Variants in P3H2 observed in about 807,000 individuals in gnomAD.
P3H2 encodes the protein prolyl 3-hydroxylase 2, also known as leprecan-like 1.
Under a neutral mutation model 87.0 loss-of-function variants are expected in P3H2, and 80 were observed. The ratio of observed to expected loss-of-function variants is 0.92; its 90% CI spans 0.77 to 1.11. P3H2 has a LOEUF of 1.11. Among genes scored for constraint, P3H2 ranks in the 50% least tolerant of loss-of-function variants. The pLI, the probability that P3H2 is intolerant of heterozygous loss-of-function variation, is 0.00. For synonymous variants in P3H2, 367 were observed against 359.3 expected (o/e 1.02, Z -0.24); for missense variants, 1,001 against 923.9 (o/e 1.08, Z -1.08).
Position 190,120,570 on chromosome 3 carries a change from G to C in P3H2, c.162C>G (p.Ala54=). The part of the protein sequence containing the change: ...FDLLYASGAA[A]YYSGDYERAV... ...CTCGCTCGTAGTCTCCGCTGTAGTAGGCGGCCGCGCCGCTGGCGTAGAGCA... is the reference window on the plus strand; with the variant it reads ...CTCGCTCGTAGTCTCCGCTGTAGTACGCGGCCGCGCCGCTGGCGTAGAGCA... The change falls in exon 1 of 15, where the codon GCC becomes GCG. Residue 54 remains alanine, a synonymous_variant. Transcript: ENST00000319332. 6.5e-7 allele frequency: 1 copy of C among 1,540,222 alleles called. No homozygotes were observed. The highest frequency in any genetic ancestry group is 1.2e-5 in the South Asian group (1 of 83,768).
intron 1 of P3H2, among the ~76,000 whole-genome samples, chr3:190,068,823 C>A (rs1726600761): frequency 6.6e-6 from 1 of 151,076 alleles, no homozygotes; most frequent in Admixed American, 6.6e-5. Flanking sequence ...TTTTCAGCTT[C>A]TCTACATATA....
rs77921090 is a variant in P3H2, at chr3:190,103,709, C to T, written c.480+16543G>A. Among the ~76,000 whole-genome samples the T allele has an allele frequency of 6.0e-3, 915 of 152,230 alleles. 5 individuals carry two copies. Among genetic ancestry groups the T allele is most frequent in the African/African-American group, 0.021 (886 of 41,540 alleles). On this transcript the variant is annotated intron_variant, in intron 1 of 14. Transcript: ENST00000319332. ...CAACAACTTGACATGAACTATAGCA[C>T]AATCCGGTTCACCGACTTATGGTTA...
chr3:190,014,067 G>A (rs1272875394), intron 1 of P3H2, among the ~76,000 whole-genome samples: 1 of 152,192 alleles, frequency 6.6e-6, no homozygotes, highest in Non-Finnish European at 1.5e-5. Flanking sequence ...GTTGATTTAT[G>A]AGAAGTATTT....
At position 190,106,901 on chromosome 3, in the gene P3H2, A is replaced by T. The variant is rs1711858802; in HGVS notation, c.480+13351T>A. The stretch of plus-strand genomic sequence containing the variant: ...ATTGTTGAAAGAATTTGATGAGAAA[A>T]TTTACATAAAGCTTTTAGCATAATA... On this transcript the variant is annotated intron_variant, in intron 1 of 14. Coordinates refer to ENST00000319332, the MANE Select transcript of P3H2 (RefSeq NM_018192.4). 2.0e-5 allele frequency among the ~76,000 whole-genome samples: 3 copies of T among 152,338 alleles called. No individual in the cohort carries two copies. The South Asian group carries it at 6.2e-4, about 32-fold the overall frequency.
intron 1 of P3H2, among the ~76,000 whole-genome samples, chr3:190,118,136 C>A (rs1035032281): frequency 6.6e-6 from 1 of 152,002 alleles, no homozygotes; most frequent in Non-Finnish European, 1.5e-5. Flanking sequence ...ACCAGGGAAC[C>A]GGAGGGGAAA....
intron 1 of P3H2, among the ~76,000 whole-genome samples, chr3:190,025,381 A>G: frequency 6.6e-6 from 1 of 152,186 alleles, no homozygotes; most frequent in African/African-American, 2.4e-5. Flanking sequence ...AATAAGTAGC[A>G]TGGTGAGTTA....
At chr3:190,082,722 A>G (rs1342559171) in intron 1 of P3H2, among the ~76,000 whole-genome samples, 3 of 152,220 alleles carry the variant, frequency 2.0e-5, no homozygotes, top group African/African-American at 7.2e-5. Context: ...GAATTTGTGA[A>G]GGTGATGAGC....
intron 1 of P3H2, among the ~76,000 whole-genome samples, chr3:190,098,454 G>C (rs1180899618): frequency 1.3e-5 from 2 of 152,126 alleles, no homozygotes; most frequent in Non-Finnish European, 2.9e-5. Context: ...AATGAGACAG[G>C]ATAATAGATG....
intron 1 of P3H2, among the ~76,000 whole-genome samples, chr3:189,999,918 A>G (rs1014857163): frequency 1.1e-4 from 16 of 152,210 alleles, no homozygotes; most frequent in African/African-American, 3.9e-4. Flanking sequence ...CGTGGTAGTC[A>G]TACTGTATGG....
chr3:190,015,956 T>C (rs1384682492), intron 1 of P3H2, among the ~76,000 whole-genome samples: 1 of 152,188 alleles, frequency 6.6e-6, no homozygotes, highest in African/African-American at 2.4e-5. Flanking sequence ...TGTGTGTATC[T>C]GCGTTGGAGG....
At chr3:190,095,100 T>C (rs1727527949) in intron 1 of P3H2, among the ~76,000 whole-genome samples, 1 of 151,972 alleles carries the variant, frequency 6.6e-6, no homozygotes, top group Admixed American at 6.6e-5. Flanking sequence ...TCTAAGAATT[T>C]TATATGTATT....
chr3:189,965,453 GCAGT>G (rs560410231), intron 13 of P3H2, among the ~76,000 whole-genome samples: 2 of 152,262 alleles, frequency 1.3e-5, no homozygotes, highest in African/African-American at 4.8e-5. Context: ...CAGAAAAAAA[GCAGT>G]CAGTTTCTTT....
At chr3:190,058,193 C>T (rs148679824) in intron 1 of P3H2, among the ~76,000 whole-genome samples, 1,551 of 152,140 alleles carry the variant, frequency 0.01, 13 homozygotes, top group Non-Finnish European at 0.017. Context: ...AGCAAAATGC[C>T]TTGTACATAG....
chr3:189,976,100 C>T (rs1723340453), intron 8 of P3H2, among the ~76,000 whole-genome samples: 1 of 152,072 alleles, frequency 6.6e-6, no homozygotes, highest in African/African-American at 2.4e-5. Context: ...AGCTACCTTC[C>T]ACATGAATAT....
chr3:190,069,359 T>C lies in P3H2; in HGVS notation c.480+50893A>G, dbSNP rs141290539. On this transcript the variant is annotated intron_variant, in intron 1 of 14. Transcript: ENST00000319332. ...GAGTAAGCATCTTTTGACATTTCAC[T>C]GATTTCAGGACTAGAAAAAATGGAA... Among the ~76,000 whole-genome samples the C allele has an allele frequency of 4.9e-3, 744 of 152,298 alleles. 7 individuals are homozygous for C. Among genetic ancestry groups the C allele is most frequent in the African/African-American group, 0.017 (708 of 41,570 alleles).
At chr3:190,038,258 T>C (rs1207898642) in intron 1 of P3H2, among the ~76,000 whole-genome samples, 27 of 128,258 alleles carry the variant, frequency 2.1e-4, no homozygotes, top group African/African-American at 6.1e-4. Flanking sequence ...AAAAAAAAAC[T>C]GTCACAAACA....
At chr3:190,005,789 C>T (rs1724369846) in intron 1 of P3H2, among the ~76,000 whole-genome samples, 1 of 152,200 alleles carries the variant, frequency 6.6e-6, no homozygotes, top group Admixed American at 6.5e-5. Context: ...TCCAAAGACC[C>T]CTCCTGGAGG....
At chr3:189,988,770 GGA>G (rs1723785252) in intron 4 of P3H2, 135 bp downstream of exon 4, 1 of 1,102,836 alleles carries the variant, frequency 9.1e-7, no homozygotes, top group African/African-American at 1.5e-5. Flanking sequence ...CTGCAGCTCA[GGA>G]GAGAAGAAAT....
chr3:190,099,278 C>T lies in P3H2; in HGVS notation c.480+20974G>A, dbSNP rs541757442. Among the ~76,000 whole-genome samples, 15 of 152,246 alleles carry T rather than the reference C, an allele frequency of 9.9e-5. No homozygotes were observed. In the South Asian group the frequency reaches 2.5e-3, roughly 25 times the overall value. On this transcript the variant is annotated intron_variant, in intron 1 of 14. Transcript: ENST00000319332. Reference sequence around the variant, plus strand: ...CTGGCAAAACTTCATTTTCAAATGACGCTGTAGGATATCACATAATGTAAT... The same window carrying T: ...CTGGCAAAACTTCATTTTCAAATGATGCTGTAGGATATCACATAATGTAAT...
Sources: gnomAD v4.1 joint callset for allele counts (sites outside exome capture counted in the v4.1 genomes callset) on GRCh38, gnomAD v4.1.1 for gene constraint, MANE v1.5 for transcripts, NCBI Gene and HGNC (gene_info 2026-07-23, HGNC 2026-07-21) for gene names.